Variants in MAP2K1 observed in about 807,000 individuals in gnomAD.
MAP2K1 encodes mitogen-activated protein kinase kinase 1, also known as dual specificity mitogen-activated protein kinase kinase 1.
A neutral mutation model predicts 46.3 loss-of-function variants in MAP2K1; 16 were observed. The ratio of observed to expected loss-of-function variants is 0.35; its 90% CI spans 0.23 to 0.52. MAP2K1 has a LOEUF of 0.52. Ranked by LOEUF, MAP2K1 falls within the 20% of genes least tolerant of loss-of-function variation. MAP2K1 has a pLI of 0.94. For missense variants in MAP2K1, 263 were observed against 497.1 expected (o/e 0.53, Z 4.48); for synonymous variants, 183 against 185.6 (o/e 0.99, Z 0.11).
intron 5 of MAP2K1, among the ~76,000 whole-genome samples, chr15:66,468,280 C>T (rs764990927): frequency 1.3e-5 from 2 of 151,140 alleles, no homozygotes; most frequent in Non-Finnish European, 3.0e-5. Flanking sequence ...TTTTTTTTTC[C>T]CCCCTTCTGT....
intron 5 of MAP2K1, among the ~76,000 whole-genome samples, chr15:66,479,536 T>C (rs1311174108): frequency 1.3e-5 from 2 of 152,206 alleles, no homozygotes; most frequent in East Asian, 3.8e-4. Flanking sequence ...GTATCCTGTG[T>C]TCCTTTACTG....
chr15:66,407,854 CAAAAG>C (rs1250185309), intron 1 of MAP2K1, among the ~76,000 whole-genome samples: 1 of 152,146 alleles, frequency 6.6e-6, no homozygotes, highest in African/African-American at 2.4e-5. Flanking sequence ...AAAAACAAAA[CAAAAG>C]AAAAGAAAAA....
rs551186099 is a variant in MAP2K1, at chr15:66,387,304, G to A, written c.-44G>A. On this transcript the variant is annotated 5_prime_UTR_variant, in exon 1 of 11. Transcript: ENST00000307102. ...AGCGCAGCGGGAGGAAGCGAGAGGT[G>A]CTGCCCTCCCCCCGGAGTTGGAAGC... 6.7e-7 allele frequency: 1 copy of A among 1,485,050 alleles called. No individual in the cohort carries two copies. The highest frequency in any genetic ancestry group is 1.4e-5 in the African/African-American group (1 of 71,362). 92.0% of individuals were successfully genotyped at this position (1,485,050 alleles called of 1,614,324 possible). A position where few individuals can be genotyped will look rare whatever the true frequency, so the allele number is the denominator to read the frequency against.
At chr15:66,489,949 G>A (rs1326555717) in intron 10 of MAP2K1, 186 bp downstream of exon 10, 2 of 676,988 alleles carry the variant, frequency 3.0e-6, no homozygotes, top group Non-Finnish European at 5.3e-6. Context: ...GAAAGCTGGG[G>A]TGACCCCCGC....
At chr15:66,435,274 T>C in intron 2 of MAP2K1, 37 bp downstream of exon 2, 6 of 1,555,072 alleles carry the variant, frequency 3.9e-6, no homozygotes, top group Non-Finnish European at 5.3e-6. Context: ...TTGGATTATT[T>C]CTCAGGGTAC....
chr15:66,468,802 G>A (rs975415308), intron 5 of MAP2K1, among the ~76,000 whole-genome samples: 9 of 151,730 alleles, frequency 5.9e-5, no homozygotes, highest in South Asian at 2.1e-4. Context: ...GTGGTGGTGC[G>A]TGCCTGTAAT....
chr15:66,433,881 A>T (rs546459115), intron 1 of MAP2K1, among the ~76,000 whole-genome samples: 13 of 152,128 alleles, frequency 8.5e-5, no homozygotes, highest in Admixed American at 7.9e-4. Flanking sequence ...CTGTTAACCA[A>T]CTCACAGGAG....
chr15:66,439,291 G>C (rs994904620), intron 3 of MAP2K1, among the ~76,000 whole-genome samples: 1 of 152,228 alleles, frequency 6.6e-6, no homozygotes, highest in East Asian at 1.9e-4. Flanking sequence ...CACAGTCTTT[G>C]CATGAGTTTT....
rs1892782578 is a variant in MAP2K1 at position 66,477,565 on chromosome 15, C to G, written c.569-4190C>G. 2.6e-5 allele frequency among the ~76,000 whole-genome samples: 4 copies of G among 152,236 alleles called. No individual in the cohort carries two copies. In the South Asian group the frequency reaches 8.3e-4, roughly 32 times the overall value. On this transcript the variant is annotated intron_variant, in intron 5 of 10. Coordinates refer to ENST00000307102, the MANE Select transcript of MAP2K1 (RefSeq NM_002755.4). ...CTGTTTCAATCATGGCAAACCATGG[C>G]CCAGAAAAGTCAAGTGACTTGCTCA... is the stretch of plus-strand genomic sequence containing the variant.
chr15:66,416,172 A>T lies in MAP2K1; in HGVS notation c.81-18855A>T, dbSNP rs140138238. ...ACCTTCACTTTCCCTCCCTTATCTT[A>T]GATGGAATTAGGGAGTTTTTCTGTA... is the stretch of plus-strand genomic sequence containing the variant. On this transcript the variant is annotated intron_variant, in intron 1 of 10. Transcript: ENST00000307102. Among the ~76,000 whole-genome samples, 447 of 152,220 alleles carry T rather than the reference A, an allele frequency of 2.9e-3. 1 individual carries two copies. The highest frequency in any genetic ancestry group is 0.01 in the African/African-American group (416 of 41,484).
intron 1 of MAP2K1, among the ~76,000 whole-genome samples, chr15:66,432,148 C>T (rs1428285995): frequency 6.6e-6 from 1 of 152,100 alleles, no homozygotes; most frequent in Non-Finnish European, 1.5e-5. Context: ...GATAAGAATC[C>T]AGGACTCTTG....
intron 6 of MAP2K1, among the ~76,000 whole-genome samples, chr15:66,483,580 GA>G (rs1367871993): frequency 6.6e-6 from 1 of 152,154 alleles, no homozygotes; most frequent in Non-Finnish European, 1.5e-5. Context: ...ACTATGGGCA[GA>G]ATAAAGATTT....
chr15:66,412,989 A>C (rs890596893), intron 1 of MAP2K1, among the ~76,000 whole-genome samples: 1 of 151,982 alleles, frequency 6.6e-6, no homozygotes, highest in African/African-American at 2.4e-5. Flanking sequence ...TCCACCTCCC[A>C]GGTTCAAGCA....
intron 5 of MAP2K1, among the ~76,000 whole-genome samples, chr15:66,465,781 C>T (rs1185732256): frequency 1.3e-5 from 2 of 152,156 alleles, no homozygotes; most frequent in Non-Finnish European, 2.9e-5. Context: ...AAAGACAAAT[C>T]ATGGTAGGAC....
chr15:66,485,341 G>T (rs775796200), intron 7 of MAP2K1, 150 bp downstream of exon 7: 2 of 736,886 alleles, frequency 2.7e-6, no homozygotes, highest in Non-Finnish European at 4.4e-6. Context: ...AAGCAGCAAG[G>T]GTCTCCAGGT....
At chr15:66,470,094 G>GTTTTTTT (rs55637393) in intron 5 of MAP2K1, among the ~76,000 whole-genome samples, 9 of 76,608 alleles carry the variant, frequency 1.2e-4, no homozygotes, top group East Asian at 3.9e-4. Context: ...TTTTTTTCTT[G>GTTTTTTT]TTTTTTTTTT....
At chr15:66,447,718 T>C (rs188241805) in intron 5 of MAP2K1, among the ~76,000 whole-genome samples, 31 of 148,666 alleles carry the variant, frequency 2.1e-4, no homozygotes, top group Admixed American at 7.4e-4. Flanking sequence ...TTGTAAAAAA[T>C]ATATACATAA....
intron 5 of MAP2K1, among the ~76,000 whole-genome samples, chr15:66,464,496 A>G (rs555643499): frequency 6.6e-6 from 1 of 150,864 alleles, no homozygotes; most frequent in African/African-American, 2.4e-5. Context: ...GAAAGATGGG[A>G]AAAAGGAAAA....
rs552859137 is a variant in MAP2K1, at chr15:66,461,780, C to T, written c.568+17073C>T. On this transcript the variant is annotated intron_variant, in intron 5 of 10. Coordinates refer to ENST00000307102, the MANE Select transcript of MAP2K1 (RefSeq NM_002755.4). ...ACCTCCGAGCCACTGTGTCCTCTCC[C>T]TTTACCTTTCTGGCTATGCATAGAA... Among the ~76,000 whole-genome samples the T allele has an allele frequency of 3.3e-5, 5 of 152,292 alleles. No individual in the cohort carries two copies. In the South Asian group the frequency reaches 8.3e-4, roughly 25 times the overall value.
Sources: allele counts gnomAD v4.1 joint callset (sites outside exome capture counted in the v4.1 genomes callset), GRCh38; gene constraint gnomAD v4.1.1; transcripts MANE v1.5; gene names NCBI Gene and HGNC (gene_info 2026-07-23, HGNC 2026-07-21).